Variants in NUDT5 observed in about 807,000 individuals in gnomAD.
The protein encoded by NUDT5 is ADP-sugar pyrophosphatase.
NUDT5 carries 21 observed loss-of-function variants against 34.1 expected under a neutral mutation model. The observed-to-expected ratio is 0.62, with a 90% CI of 0.44 to 0.89. The LOEUF (loss-of-function observed/expected upper bound fraction) is 0.89, where lower values mean the gene tolerates loss of function less well. NUDT5 is among the 40% of genes least tolerant of loss of function. The pLI is 0.00. For missense variants in NUDT5, 249 were observed against 274.8 expected, an observed-to-expected ratio of 0.91 and a Z score of 0.66; for synonymous variants, 85 against 97.6, an observed-to-expected ratio of 0.87 and a Z score of 0.76.
chr10:12,167,859 C>T (rs187037649), intron 9 of NUDT5, 48 bp from the exon 10 acceptor site: 4 of 1,607,722 alleles, frequency 2.5e-6, no homozygotes, highest in Non-Finnish European at 3.4e-6. Flanking sequence ...TAAGGAAGGA[C>T]AAAACATCTT....
At chr10:12,180,443 TGAA>T (rs1835024631) in intron 3 of NUDT5, 1 of 152,138 alleles carries the variant, frequency 6.6e-6, no homozygotes, top group African/African-American at 2.4e-5. Flanking sequence ...TCCTAAAGAC[TGAA>T]GAAGACAGTG....
chr10:12,183,388 T>C (rs1195202225), intron 3 of NUDT5, among the ~76,000 whole-genome samples: 2 of 152,246 alleles, frequency 1.3e-5, no homozygotes, highest in Admixed American at 6.5e-5. Flanking sequence ...CTTAACATGT[T>C]TCCTACAGCT....
At chr10:12,184,840 C>T in intron 3 of NUDT5, 49 bp downstream of exon 3, 1 of 1,052,442 alleles carries the variant, frequency 9.5e-7, no homozygotes, top group Middle Eastern at 2.1e-4. Context: ...CAACAGATAA[C>T]CTGAGAACCC....
chr10:12,195,303 C>A (rs947823168), intron 1 of NUDT5, among the ~76,000 whole-genome samples: 1 of 152,212 alleles, frequency 6.6e-6, no homozygotes, highest in African/African-American at 2.4e-5. Context: ...ATGATTCGAT[C>A]ATCGCAGGAA....
rs1834677369 is a variant in NUDT5, at chr10:12,166,027, TCAAA to T, written c.*1671_*1674del. On this transcript the variant is annotated 3_prime_UTR_variant, in exon 10 of 10. Transcript: ENST00000491614. Reference sequence around the variant, plus strand: ...ACAGTGCCAGCCAGACTGCCAGTTCTCAAACAGACTGAATTTCCAAAGCACAACC... The same window carrying T: ...ACAGTGCCAGCCAGACTGCCAGTTCTCAGACTGAATTTCCAAAGCACAACC... The T allele has an allele frequency of 6.6e-6, 1 of 152,264 alleles. No homozygotes were observed. Among genetic ancestry groups the T allele is most frequent in the Admixed American group, 6.5e-5 (1 of 15,286 alleles). The allele number at this position is 152,264 out of a possible 1,614,324, so 9.4% of individuals were successfully genotyped here. A position where few individuals can be genotyped will look rare whatever the true frequency, so the allele number is the denominator to read the frequency against.
At position 12,181,614 on chromosome 10, in the gene NUDT5, C is replaced by T. The variant is rs1194357935; in HGVS notation, c.132-2482G>A. 6.6e-6 allele frequency among the ~76,000 whole-genome samples: 1 copy of T among 152,056 alleles called. No homozygotes were observed. Among genetic ancestry groups the T allele is most frequent in the Non-Finnish European group, 1.5e-5 (1 of 67,992 alleles). ...TTGTGGGGAACTGCTGCTGGGCATC[C>T]GGTCTGCACACATGCCATTTCATGA... On this transcript the variant is annotated intron_variant, in intron 3 of 9. Coordinates refer to ENST00000491614, the MANE Select transcript of NUDT5 (RefSeq NM_014142.4). This position sits in a 1 kb window ranked among gnomAD's most constrained non-coding sequence, Gnocchi z 5.0.
In NUDT5 at chr10:12,184,959, A is replaced by G. The variant is rs1461994183; in HGVS notation, c.64-3T>C. ...ACCCATTTTCCTTCTGAAATTAACT[A>G]AAAGGATATCAGATAATAAGTTGGG... On this transcript the variant is annotated splice_polypyrimidine_tract_variant and splice_region_variant and intron_variant, in intron 2 of 9. Transcript: ENST00000491614. The G allele has an allele frequency of 1.3e-6, 2 of 1,510,006 alleles. No individual in the cohort carries two copies. The highest frequency in any genetic ancestry group is 1.8e-6 in the Non-Finnish European group (2 of 1,089,196). The allele number at this position is 1,510,006 out of a possible 1,614,324, so 93.5% of individuals were successfully genotyped here.
Position 12,173,575 on chromosome 10 carries a change from G to T in NUDT5, c.385+143C>A. 2 of 663,730 alleles carry T rather than the reference G, an allele frequency of 3.0e-6. No individual in the cohort carries two copies. The allele number at this position is 663,730 out of a possible 1,614,324, so 41.1% of individuals were successfully genotyped here. On this transcript the variant is annotated intron_variant, in intron 6 of 9. Transcript: ENST00000491614. This position sits in a 1 kb window ranked among gnomAD's most constrained non-coding sequence, Gnocchi z 4.7. ...TGGCTCCAGTTTCCTCCTGGGAGGG[G>T]AGATTCCCTTACACTTGGTGACCAG... is the stretch of plus-strand genomic sequence containing the variant.
intron 3 of NUDT5, among the ~76,000 whole-genome samples, chr10:12,183,944 T>C (rs1324413557): frequency 6.6e-6 from 1 of 152,258 alleles, no homozygotes; most frequent in Non-Finnish European, 1.5e-5. Context: ...TTCCTATTTT[T>C]AAGATATTTA....
Position 12,184,882 on chromosome 10 carries a change from A to T in NUDT5, c.131+7T>A. 6.5e-7 allele frequency: 1 copy of T among 1,532,426 alleles called. No individual in the cohort carries two copies. Among genetic ancestry groups the T allele is most frequent in the Non-Finnish European group, 8.9e-7 (1 of 1,120,858 alleles). The allele number at this position is 1,532,426 out of a possible 1,614,324, so 94.9% of individuals were successfully genotyped here. On this transcript the variant is annotated splice_region_variant and intron_variant, in intron 3 of 9. Transcript: ENST00000491614. ...CGAACATTTTGTAAGAAAAAAAAAA[A>T]GTTTACCTAGTTTTACCAGTAGGAT...
chr10:12,167,371 G>T lies in NUDT5; in HGVS notation c.*331C>A. The T allele has an allele frequency of 4.6e-6, 1 of 215,316 alleles. No homozygotes were observed. 13.3% of individuals were successfully genotyped at this position (215,316 alleles called of 1,614,324 possible). ...TGGAAATGACCTAATTGAGAACTCA[G>T]GTCTATTTCTCTATACAAATACCCC... On this transcript the variant is annotated 3_prime_UTR_variant, in exon 10 of 10. Coordinates refer to ENST00000491614, the MANE Select transcript of NUDT5 (RefSeq NM_014142.4).
intron 9 of NUDT5, 111 bp from the exon 10 acceptor site, chr10:12,167,922 G>C (rs1162204388): frequency 1.0e-5 from 15 of 1,484,532 alleles, no homozygotes; most frequent in African/African-American, 1.5e-5. Context: ...TCCTATGCTA[G>C]ATGCTGGTGA....
chr10:12,191,476 G>A (rs781180450), intron 1 of NUDT5, among the ~76,000 whole-genome samples: 10 of 152,096 alleles, frequency 6.6e-5, no homozygotes, highest in Non-Finnish European at 8.8e-5. Flanking sequence ...GATGATTTGC[G>A]AACACATTTC....
At chr10:12,186,125 T>G in intron 2 of NUDT5, 104 bp downstream of exon 2, 1 of 949,734 alleles carries the variant, frequency 1.1e-6, no homozygotes, top group Non-Finnish European at 1.6e-6. Flanking sequence ...TCTTTACAAC[T>G]GTCTTCAAGA....
At position 12,184,295 on chromosome 10, in the gene NUDT5, G is replaced by A. The variant is rs572707594; in HGVS notation, c.131+594C>T. Among the ~76,000 whole-genome samples the A allele has an allele frequency of 1.5e-3, 217 of 146,766 alleles. 2 individuals are homozygous for A. The highest frequency in any genetic ancestry group is 3.7e-3 in the Admixed American group (55 of 14,788). On this transcript the variant is annotated intron_variant, in intron 3 of 9. Coordinates refer to ENST00000491614, the MANE Select transcript of NUDT5 (RefSeq NM_014142.4). ...CTCCTGACCTCAACCGATGCCCCCC[G>A]CCCCGGCCCCCACCCTTGGCCTCCC... is the stretch of plus-strand genomic sequence containing the variant.
At chr10:12,183,105 A>G (rs1414041913) in intron 3 of NUDT5, among the ~76,000 whole-genome samples, 1 of 152,220 alleles carries the variant, frequency 6.6e-6, no homozygotes, top group Non-Finnish European at 1.5e-5. Flanking sequence ...TTTGACAGGC[A>G]AAAGAGAACC....
chr10:12,195,226 C>T (rs182833225), intron 1 of NUDT5, among the ~76,000 whole-genome samples: 2 of 152,260 alleles, frequency 1.3e-5, no homozygotes, highest in East Asian at 3.9e-4. Flanking sequence ...CTGAACTTTG[C>T]TGGGTGACAG....
intron 9 of NUDT5, 76 bp from the exon 10 acceptor site, chr10:12,167,887 G>A (rs1358143795): frequency 4.8e-5 from 77 of 1,591,358 alleles, no homozygotes; most frequent in South Asian, 1.0e-4. Flanking sequence ...CAGTGTTTGC[G>A]CAGCAGGTAC....
chr10:12,174,637 C>G (rs1376296942), intron 5 of NUDT5, among the ~76,000 whole-genome samples: 2 of 152,200 alleles, frequency 1.3e-5, no homozygotes, highest in African/African-American at 4.8e-5. Flanking sequence ...GAATCAGGTT[C>G]TGAAGGCATC....
Sources: gnomAD v4.1 joint callset for allele counts (sites outside exome capture counted in the v4.1 genomes callset) on GRCh38, gnomAD v4.1.1 for gene constraint, Gnocchi (gnomAD v3.1) non-coding constraint, MANE v1.5 for transcripts, NCBI Gene and HGNC (gene_info 2026-07-23, HGNC 2026-07-21) for gene names.